Variants in STK10 observed in about 807,000 individuals in gnomAD.
The protein encoded by STK10 is serine/threonine kinase 10, also known as serine/threonine-protein kinase 10.
A neutral mutation model predicts 113.8 loss-of-function variants in STK10; 78 were observed. The ratio of observed to expected loss-of-function variants is 0.69; its 90% confidence interval spans 0.57 to 0.83. STK10 has a LOEUF of 0.83. Among genes scored for constraint, STK10 ranks in the 40% least tolerant of loss-of-function variants. The probability of loss-of-function intolerance (pLI) is 0.00; values close to 1 mark genes in which losing one functional copy is unlikely to be tolerated. For synonymous variants in STK10, 465 were observed against 494.7 expected (o/e 0.94, Z 0.80); for missense variants, 1,109 against 1,280.1 (o/e 0.87, Z 2.04).
chr5:172,064,350 A>T, intron 13 of STK10: 1 of 250,240 alleles, frequency 4.0e-6, no homozygotes, highest in South Asian at 6.5e-5. Context: ...GGGACATCAC[A>T]AGTTTGATGT....
chr5:172,131,385 G>A (rs1413326074), intron 2 of STK10, among the ~76,000 whole-genome samples: 1 of 152,184 alleles, frequency 6.6e-6, no homozygotes, highest in Non-Finnish European at 1.5e-5. Flanking sequence ...AACCCAGGCA[G>A]TTCCTGCATC....
intron 7 of STK10, among the ~76,000 whole-genome samples, chr5:172,102,002 C>T (rs1424216264): frequency 6.6e-6 from 1 of 152,084 alleles, no homozygotes; most frequent in Non-Finnish European, 1.5e-5. Flanking sequence ...TCTAAGGGGC[C>T]CTGAGACTCT....
intron 1 of STK10, among the ~76,000 whole-genome samples, chr5:172,164,946 G>A (rs1232911988): frequency 6.6e-6 from 1 of 152,234 alleles, no homozygotes; most frequent in African/African-American, 2.4e-5. Context: ...CTTGCGAGCA[G>A]ATACACAGTG....
At chr5:172,058,108 G>C (rs1336166066) in intron 14 of STK10, among the ~76,000 whole-genome samples, 1 of 152,150 alleles carries the variant, frequency 6.6e-6, no homozygotes, top group Non-Finnish European at 1.5e-5. Flanking sequence ...ACCCGGGTGG[G>C]GACCTGGGGT....
chr5:172,159,661 A>G (rs978899731), intron 1 of STK10, among the ~76,000 whole-genome samples: 1 of 151,828 alleles, frequency 6.6e-6, no homozygotes, highest in Non-Finnish European at 1.5e-5. Context: ...ATTTCTACTA[A>G]AATACCAAAA....
At chr5:172,162,254 T>C (rs774267806) in intron 1 of STK10, among the ~76,000 whole-genome samples, 1 of 151,878 alleles carries the variant, frequency 6.6e-6, no homozygotes, top group African/African-American at 2.4e-5. Context: ...GGCAGGAGAA[T>C]TGCTTGAACC....
intron 2 of STK10, among the ~76,000 whole-genome samples, chr5:172,134,183 T>C (rs1769808575): frequency 6.6e-6 from 1 of 152,194 alleles, no homozygotes; most frequent in Admixed American, 6.5e-5. Flanking sequence ...TAGAGAAACT[T>C]GGGGGCAAAC....
At chr5:172,064,285 TG>T (rs1227973722) in intron 13 of STK10, 2 of 171,424 alleles carry the variant, frequency 1.2e-5, no homozygotes, top group African/African-American at 4.7e-5. Context: ...TCAGGAATGA[TG>T]GGCCAGAAAG....
In STK10 at chr5:172,120,158, G is replaced by A. The variant is rs1011948969; in HGVS notation, c.371-2528C>T. On this transcript the variant is annotated intron_variant, in intron 3 of 18. Coordinates refer to ENST00000176763, the MANE Select transcript of STK10 (RefSeq NM_005990.4). The surrounding 1 kb of genome is among the most constrained non-coding windows in gnomAD (Gnocchi z 4.0). The stretch of plus-strand genomic sequence containing the variant: ...TAGCTACCCAAGACCCCTGTGACCA[G>A]GGGAGCCACCTCCCTTGGCCTGCCA... Among the ~76,000 whole-genome samples, 4 of 152,146 alleles carry A rather than the reference G, an allele frequency of 2.6e-5. No homozygotes were observed. The highest frequency in any genetic ancestry group is 1.5e-5 in the Non-Finnish European group (1 of 68,016).
At position 172,127,266 on chromosome 5, in the gene STK10, T is replaced by C. The variant is rs1004833507; in HGVS notation, c.370+107A>G. ...AAAGAGGCCATGGGAACTGATGGAA[T>C]GGGAGAGTGGAGGTCCCAGTCCTAG... On this transcript the variant is annotated intron_variant, in intron 3 of 18. Coordinates refer to ENST00000176763, the MANE Select transcript of STK10 (RefSeq NM_005990.4). 42 of 1,219,860 alleles carry C rather than the reference T, an allele frequency of 3.4e-5. 1 individual carries two copies. In the Middle Eastern group the frequency reaches 3.4e-3, roughly 100 times the overall value. 75.6% of individuals were successfully genotyped at this position (1,219,860 alleles called of 1,614,324 possible).
chr5:172,115,701 C>T (rs1051418970), intron 4 of STK10, among the ~76,000 whole-genome samples: 2 of 152,214 alleles, frequency 1.3e-5, no homozygotes, highest in South Asian at 2.1e-4. Context: ...TTCCTCTTAT[C>T]GGCAATGTGA....
intron 4 of STK10, 33 bp downstream of exon 4, chr5:172,117,448 G>GTGGCTCC: frequency 2.5e-6 from 4 of 1,606,186 alleles, no homozygotes; most frequent in Non-Finnish European, 3.4e-6. Flanking sequence ...CAGACACCCT[G>GTGGCTCC]TGGCTCCACC....
intron 1 of STK10, among the ~76,000 whole-genome samples, chr5:172,186,178 G>A (rs1770951642): frequency 1.3e-5 from 2 of 152,134 alleles, no homozygotes; most frequent in East Asian, 1.9e-4. Context: ...GGAGGCTGAG[G>A]TAGGAGAATT....
chr5:172,098,513 T>C (rs1462058514), intron 7 of STK10, among the ~76,000 whole-genome samples: 1 of 152,060 alleles, frequency 6.6e-6, no homozygotes, highest in African/African-American at 2.4e-5. Context: ...AGAGGAAGGA[T>C]GGGCCGTGTG....
Position 172,106,713 on chromosome 5 carries a change from T to C in STK10, c.695A>G (p.Gln232Arg). The C allele has an allele frequency of 6.2e-7, 1 of 1,614,142 alleles. No individual in the cohort carries two copies. The highest frequency in any genetic ancestry group is 1.3e-5 in the African/African-American group (1 of 75,050). ...SLGITLIEMA[Q>R]IEPPHHELNP... The stretch of plus-strand genomic sequence containing the variant: ...GAGCTCGTGGTGTGGCGGCTCGATC[T>C]GGGCCATCTCAATCAGCGTGATGCC... The change falls in exon 6 of 19, where the codon CAG (glutamine) becomes CGG (arginine). Residue 232 changes from glutamine (Q) to arginine (R), a missense_variant. Transcript: ENST00000176763.
At chr5:172,065,028 C>T (rs1036118713) in intron 12 of STK10, among the ~76,000 whole-genome samples, 1 of 152,218 alleles carries the variant, frequency 6.6e-6, no homozygotes, top group Admixed American at 6.5e-5. Flanking sequence ...TCCAACTCCC[C>T]CAGAGTGGGC....
intron 7 of STK10, among the ~76,000 whole-genome samples, chr5:172,104,328 G>A (rs1051791209): frequency 2.6e-5 from 4 of 152,210 alleles, no homozygotes; most frequent in Non-Finnish European, 5.9e-5. Flanking sequence ...GCTGTGCACA[G>A]CCCTCAGAAC....
At chr5:172,143,127 G>A (rs76089206) in intron 2 of STK10, among the ~76,000 whole-genome samples, 304 of 152,346 alleles carry the variant, frequency 2.0e-3, no homozygotes, top group Non-Finnish European at 3.7e-3. Context: ...AGAAAAAACC[G>A]AGTGCTAGGC....
intron 2 of STK10, among the ~76,000 whole-genome samples, chr5:172,143,609 C>T (rs1443624967): frequency 1.3e-5 from 2 of 152,178 alleles, no homozygotes; most frequent in Non-Finnish European, 2.9e-5. Flanking sequence ...CTGGGTCTGC[C>T]ACCATCCTTC....
Sources: allele counts gnomAD v4.1 joint callset (sites outside exome capture counted in the v4.1 genomes callset), GRCh38; gene constraint gnomAD v4.1.1; non-coding constraint Gnocchi (gnomAD v3.1); transcripts MANE v1.5; gene names NCBI Gene and HGNC (gene_info 2026-07-23, HGNC 2026-07-21).